THUMPD2: variants seen among roughly 807,000 people sequenced by gnomAD.
The protein encoded by THUMPD2 is THUMP domain 2 tRNA and snRNA guanosine methyltransferase.
THUMPD2 carries 56 observed loss-of-function variants against 49.4 expected under a neutral mutation model. The observed-to-expected ratio is 1.13, with a 90% CI of 0.91 to 1.41. THUMPD2 has a LOEUF of 1.41. THUMPD2 is among the 40% of genes most tolerant of loss of function. The pLI, the probability that THUMPD2 is intolerant of heterozygous loss-of-function variation, is 0.00. For synonymous variants in THUMPD2, 237 were observed against 205.2 expected (o/e 1.15, Z -1.32); for missense variants, 709 against 594.5 (o/e 1.19, Z -2.00).
intron 8 of THUMPD2, among the ~76,000 whole-genome samples, chr2:39,749,692 C>A (rs1675126033): frequency 6.6e-6 from 1 of 152,106 alleles, no homozygotes; most frequent in Non-Finnish European, 1.5e-5. Flanking sequence ...TGCTACAGAT[C>A]AACCCACCAC....
rs1678076076 is a variant in THUMPD2 at position 39,769,850 on chromosome 2, T to C, written c.532A>G (p.Thr178Ala). 6.2e-7 allele frequency: 1 copy of C among 1,612,534 alleles called. No individual in the cohort carries two copies. The highest frequency in any genetic ancestry group is 8.5e-7 in the Non-Finnish European group (1 of 1,179,542). ...TCTTGAAACTTTTCGCTTTTAGTGG[T>C]AAAATCTCTTTGCTCCAGAGTTTCT... ...KEETLEQRDFTTKSEKFQEEE... is the reference protein window; with the variant it reads ...KEETLEQRDFATKSEKFQEEE... Residue 178 changes from threonine to alanine, a missense_variant, in exon 3 of 10, where the codon ACC becomes GCC. Transcript: ENST00000505747.
intron 4 of THUMPD2, among the ~76,000 whole-genome samples, chr2:39,767,620 AAAGAATTGG>A: frequency 6.7e-6 from 1 of 149,564 alleles, no homozygotes. Flanking sequence ...AAAAAAAAAA[AAAGAATTGG>A]AAAGGGGCAG....
In THUMPD2 at chr2:39,779,207, C is replaced by G. The variant is rs545002060; in HGVS notation, c.33G>C (p.Gly11=). MSEARGEPGS[G]PEAGARFFCT... is the part of the protein sequence containing the mutation. The stretch of plus-strand genomic sequence containing the variant: ...AGAAGAATCGGGCGCCAGCCTCAGG[C>G]CCGGACCCTGGCTCTCCACGCGCCT... Residue 11 remains glycine, a synonymous_variant, in exon 1 of 10, where the codon GGG becomes GGC. Transcript: ENST00000505747. The G allele has an allele frequency of 6.6e-7, 1 of 1,510,780 alleles. No homozygotes were observed. The highest frequency in any genetic ancestry group is 8.8e-7 in the Non-Finnish European group (1 of 1,135,428). The allele number at this position is 1,510,780 out of a possible 1,614,324, so 93.6% of individuals were successfully genotyped here.
chr2:39,748,940 C>G (rs564690011), intron 8 of THUMPD2, among the ~76,000 whole-genome samples: 3 of 151,902 alleles, frequency 2.0e-5, no homozygotes, highest in African/African-American at 7.2e-5. Flanking sequence ...AAGCTATTAT[C>G]AGACCACTAC....
chr2:39,754,360 T>C (rs1435081308), intron 8 of THUMPD2, among the ~76,000 whole-genome samples: 1 of 152,182 alleles, frequency 6.6e-6, no homozygotes, highest in Non-Finnish European at 1.5e-5. Context: ...GAGATCTCAA[T>C]CAACAAGACA....
intron 4 of THUMPD2, 186 bp from the exon 5 acceptor site, chr2:39,766,295 T>G (rs1677507848): frequency 2.3e-6 from 1 of 432,904 alleles, no homozygotes; most frequent in Non-Finnish European, 4.1e-6. Flanking sequence ...GAAACTAAAT[T>G]TTAAGTACAT....
At chr2:39,755,180 A>G in intron 8 of THUMPD2, 115 bp downstream of exon 8, 1 of 599,884 alleles carries the variant, frequency 1.7e-6, no homozygotes, top group South Asian at 2.6e-5. Flanking sequence ...TTAGTCCCAC[A>G]GATATATTAA....
Position 39,736,818 on chromosome 2 carries a change from G to A in THUMPD2, c.1429C>T (p.Pro477Ser). Residue 477 changes from proline to serine, a missense_variant, in exon 10 of 10, where the codon CCA becomes TCA. By Grantham distance (74) the Pro-to-Ser change is moderately conservative. Transcript: ENST00000505747. Reference sequence around the variant, plus strand: ...AGGCTAACTTTGTAGCATTCCACTGGTACCAAGGAGCCAAATGGTGACATT... The same window carrying A: ...AGGCTAACTTTGTAGCATTCCACTGATACCAAGGAGCCAAATGGTGACATT... Reference protein sequence around the residue: ...DRMSPFGSLVPVECYKVSLGK... With the variant: ...DRMSPFGSLVSVECYKVSLGK... The A allele has an allele frequency of 6.2e-7, 1 of 1,614,152 alleles. No homozygotes were observed. Among genetic ancestry groups the A allele is most frequent in the South Asian group, 1.1e-5 (1 of 91,084 alleles).
chr2:39,759,445 C>T (rs894643309), intron 6 of THUMPD2, among the ~76,000 whole-genome samples: 1 of 151,708 alleles, frequency 6.6e-6, no homozygotes, highest in African/African-American at 2.4e-5. Flanking sequence ...TGTCATGATC[C>T]CATGAGATAT....
chr2:39,755,387 T>C lies in THUMPD2; in HGVS notation c.986A>G (p.Asp329Gly). The C allele has an allele frequency of 6.4e-7, 1 of 1,566,306 alleles. No homozygotes were observed. Among genetic ancestry groups the C allele is most frequent in the South Asian group, 1.2e-5 (1 of 82,956 alleles). The change falls in exon 8 of 10, where the codon GAT becomes GGT. Residue 329 changes from aspartate (D) to glycine (G), a missense_variant. Transcript: ENST00000505747. ...EWPDVYYVGADVSDSQLLGTW... is the reference protein window; with the variant it reads ...EWPDVYYVGAGVSDSQLLGTW... ...ACCTAGTAACTGTGAGTCGCTGACA[T>C]CAGCACCTACATAATACACATCCTA...
In THUMPD2 at chr2:39,768,491, T is replaced by C. The variant is rs539685425; in HGVS notation, c.683A>G (p.Lys228Arg). The change falls in exon 4 of 10, where the codon AAA becomes AGA. Residue 228 changes from lysine (K) to arginine (R), a missense_variant. Transcript: ENST00000505747. The stretch of plus-strand genomic sequence containing the variant: ...TTTCATAATAGCAATTCCAATTACT[T>C]TTCCTACCTCCTGGAAAAGTACCAA... ...GKAFTAQEVG[K>R]VIGIAIMKHF... is the part of the protein sequence containing the mutation. 4 of 1,611,892 alleles carry C rather than the reference T, an allele frequency of 2.5e-6. No homozygotes were observed. The South Asian group carries it at 3.3e-5, about 13-fold the overall frequency.
intron 6 of THUMPD2, among the ~76,000 whole-genome samples, chr2:39,758,527 A>G (rs949765086): frequency 6.6e-5 from 10 of 152,240 alleles, no homozygotes; most frequent in Admixed American, 6.5e-4. Flanking sequence ...CCCAGAGGGG[A>G]GAATCAGTGG....
intron 8 of THUMPD2, among the ~76,000 whole-genome samples, chr2:39,746,266 C>T (rs1674578241): frequency 1.3e-5 from 2 of 152,170 alleles, no homozygotes; most frequent in Admixed American, 6.5e-5. Flanking sequence ...GCAACTACTT[C>T]CAGGTGGGCC....
At chr2:39,744,269 A>G in intron 9 of THUMPD2, 101 bp downstream of exon 9, 2 of 589,536 alleles carry the variant, frequency 3.4e-6, no homozygotes, top group Non-Finnish European at 5.6e-6. Flanking sequence ...AACTCTGGGA[A>G]ATTGCTAAAA....
At chr2:39,767,862 A>T (rs549055546) in intron 4 of THUMPD2, among the ~76,000 whole-genome samples, 99 of 152,320 alleles carry the variant, frequency 6.5e-4, no homozygotes, top group African/African-American at 2.4e-3. Context: ...GAATTAATGA[A>T]TCATGAAAAT....
chr2:39,751,017 A>G (rs931278179), intron 8 of THUMPD2, among the ~76,000 whole-genome samples: 2 of 152,282 alleles, frequency 1.3e-5, no homozygotes, highest in Admixed American at 6.5e-5. Flanking sequence ...ATAAAGCTTT[A>G]GCAGCAAGAA....
Position 39,755,218 on chromosome 2 carries a change from G to C in THUMPD2, c.1078+77C>G, listed in dbSNP as rs1246510206. On this transcript the variant is annotated intron_variant, in intron 8 of 9. Coordinates refer to ENST00000505747, the MANE Select transcript of THUMPD2 (RefSeq NM_025264.5). ...GGTAAAACCAACCTTTACATAGTGA[G>C]ACTTGTTTTATATTATGATTCTAAA... 84 of 1,002,650 alleles carry C rather than the reference G, an allele frequency of 8.4e-5. 1 individual carries two copies. In the East Asian group the frequency reaches 2.5e-3, roughly 29 times the overall value. The allele number at this position is 1,002,650 out of a possible 1,614,324, so 62.1% of individuals were successfully genotyped here.
chr2:39,771,434 T>G, intron 2 of THUMPD2, 71 bp downstream of exon 2: 5 of 1,465,518 alleles, frequency 3.4e-6, no homozygotes, highest in Non-Finnish European at 4.6e-6. Context: ...GGCTACATAT[T>G]ATCAAGCAGA....
rs755432255 is a variant in THUMPD2 at position 39,768,533 on chromosome 2, C to G, written c.673-32G>C. The G allele has an allele frequency of 9.0e-6, 14 of 1,559,694 alleles. No individual in the cohort carries two copies. In the East Asian group the frequency reaches 3.1e-4, roughly 35 times the overall value. ...AAGTACCAAGTTAAAGAAAAGAATACTAAAAATGAAAATTTTAAGTTTAAA... is the reference window on the plus strand; with the variant it reads ...AAGTACCAAGTTAAAGAAAAGAATAGTAAAAATGAAAATTTTAAGTTTAAA... On this transcript the variant is annotated intron_variant, in intron 3 of 9. Transcript: ENST00000505747.
Sources: allele counts gnomAD v4.1 joint callset (sites outside exome capture counted in the v4.1 genomes callset), GRCh38; gene constraint gnomAD v4.1.1; transcripts MANE v1.5; gene names NCBI Gene and HGNC (gene_info 2026-07-23, HGNC 2026-07-21).